The following ADGRL4 variants were observed in gnomAD, a reference collection of about 807,000 sequenced individuals.
ADGRL4 encodes EGF, latrophilin and seven transmembrane domain containing 1.
ADGRL4 carries 90 observed loss-of-function variants against 74.8 expected under a neutral mutation model. That is an observed-to-expected ratio of 1.20 (90% CI 1.02 to 1.43). The LOEUF (loss-of-function observed/expected upper bound fraction) is 1.43, where lower values mean the gene tolerates loss of function less well. Ranked by LOEUF, ADGRL4 falls within the 40% of genes most tolerant of loss-of-function variation. The pLI is 0.00. For synonymous variants in ADGRL4, 311 were observed against 279.2 expected, an observed-to-expected ratio of 1.11 and a Z score of -1.14; for missense variants, 881 against 814.3, an observed-to-expected ratio of 1.08 and a Z score of -1.00.
intron 3 of ADGRL4, 133 bp from the exon 4 acceptor site, chr1:78,939,391 T>C (rs1649428523): frequency 3.0e-6 from 3 of 1,008,102 alleles, no homozygotes; most frequent in Non-Finnish European, 3.8e-6. Flanking sequence ...GAATTTCCTC[T>C]TCAGTTTTAG....
chr1:78,893,167 A>C lies in ADGRL4; in HGVS notation c.1772T>G (p.Val591Gly), dbSNP rs950029431. 8.1e-6 allele frequency: 13 copies of C among 1,603,166 alleles called. No homozygotes were observed. Among genetic ancestry groups the C allele is most frequent in the Middle Eastern group, 3.3e-4 (2 of 6,048 alleles). The change falls in exon 13 of 15, where the codon GTC becomes GGC. Residue 591 changes from valine (V) to glycine (G), a missense_variant. By Grantham distance (109) the Val-to-Gly change is moderately radical. Coordinates refer to ENST00000370742, the MANE Select transcript of ADGRL4 (RefSeq NM_022159.4). ...GTGACGAAAAACTTTGTATATGATG[A>C]CTCCAAAAGCCAAGAGATTAACCTG... ...IILVNLLAFG[V>G]IIYKVFRHTA...
chr1:78,916,785 G>A (rs1353528157), intron 12 of ADGRL4, among the ~76,000 whole-genome samples: 1 of 151,838 alleles, frequency 6.6e-6, no homozygotes, highest in East Asian at 1.9e-4. Context: ...GAACAAAGTT[G>A]TCCAAAATAT....
At chr1:78,976,603 C>T (rs1314499646) in intron 2 of ADGRL4, among the ~76,000 whole-genome samples, 1 of 151,286 alleles carries the variant, frequency 6.6e-6, no homozygotes, top group East Asian at 1.9e-4. Context: ...ATACATAAGA[C>T]CTTTGATTGT....
intron 2 of ADGRL4, among the ~76,000 whole-genome samples, chr1:78,970,588 T>C (rs565846911): frequency 6.6e-6 from 1 of 152,254 alleles, no homozygotes; most frequent in Admixed American, 6.5e-5. Context: ...CTTCCCTCTC[T>C]CCCTCATGTA....
rs1452531061 is a variant in ADGRL4 at position 78,921,617 on chromosome 1, G to A, written c.1253C>T (p.Ser418Phe). The change falls in exon 9 of 15, where the codon TCC (serine) becomes TTC (phenylalanine). Residue 418 changes from serine (S) to phenylalanine (F), a missense_variant. Ser to Phe is a radical substitution (Grantham distance 155). Coordinates refer to ENST00000370742, the MANE Select transcript of ADGRL4 (RefSeq NM_022159.4). ...HFAILMSSGP[S>F]IGIKDYNILT... is the part of the protein sequence containing the mutation. ...TGAAGGGGAAAATTATCTTACAATG[G>A]AAGGACCAGAGGACATCAAAATTGC... is the stretch of plus-strand genomic sequence containing the variant. 7.0e-7 allele frequency: 1 copy of A among 1,428,924 alleles called. No individual in the cohort carries two copies. The highest frequency in any genetic ancestry group is 9.2e-7 in the Non-Finnish European group (1 of 1,083,370). The allele number at this position is 1,428,924 out of a possible 1,614,324, so 88.5% of individuals were successfully genotyped here.
chr1:78,905,599 A>G (rs2100658530), intron 12 of ADGRL4, among the ~76,000 whole-genome samples: 1 of 152,098 alleles, frequency 6.6e-6, no homozygotes, highest in Non-Finnish European at 1.5e-5. Flanking sequence ...TCCCAATAAA[A>G]CTATTTACAA....
chr1:78,938,033 C>T (rs1649392700), intron 5 of ADGRL4, 43 bp from the exon 6 acceptor site: 1 of 1,604,576 alleles, frequency 6.2e-7, no homozygotes, highest in Non-Finnish European at 8.5e-7. Context: ...TGGAATCCTA[C>T]ACTATTCACA....
intron 2 of ADGRL4, among the ~76,000 whole-genome samples, chr1:78,991,163 T>C (rs1310396213): frequency 6.6e-5 from 10 of 152,220 alleles, no homozygotes; most frequent in Admixed American, 5.2e-4. Flanking sequence ...AGACTTACGA[T>C]GTGTTCTTGT....
intron 2 of ADGRL4, among the ~76,000 whole-genome samples, chr1:79,001,284 T>C (rs2100743194): frequency 6.6e-6 from 1 of 151,024 alleles, no homozygotes. Flanking sequence ...CTGGTCCGGG[T>C]ACTACTCAAC....
intron 2 of ADGRL4, among the ~76,000 whole-genome samples, chr1:78,968,329 C>T (rs1267565075): frequency 6.6e-6 from 1 of 151,946 alleles, no homozygotes; most frequent in Non-Finnish European, 1.5e-5. Context: ...GCATAAGCTG[C>T]AGTAATAGAT....
intron 2 of ADGRL4, among the ~76,000 whole-genome samples, chr1:78,955,065 T>G (rs946394981): frequency 3.3e-5 from 5 of 152,124 alleles, no homozygotes; most frequent in African/African-American, 1.2e-4. Context: ...AGGAAATGTG[T>G]AGATATTTAG....
At chr1:78,994,978 C>A (rs564431379) in intron 2 of ADGRL4, among the ~76,000 whole-genome samples, 1 of 152,304 alleles carries the variant, frequency 6.6e-6, no homozygotes, top group South Asian at 2.1e-4. Flanking sequence ...GGAATTGCAA[C>A]ACAAAGATCA....
chr1:78,981,082 C>T (rs1391214352), intron 2 of ADGRL4, among the ~76,000 whole-genome samples: 1 of 151,818 alleles, frequency 6.6e-6, no homozygotes, highest in Admixed American at 6.6e-5. Context: ...TGTGACACCT[C>T]TCAGAATTTT....
At chr1:78,993,119 A>G (rs535395656) in intron 2 of ADGRL4, among the ~76,000 whole-genome samples, 1 of 152,234 alleles carries the variant, frequency 6.6e-6, no homozygotes, top group African/African-American at 2.4e-5. Context: ...ATTTAAACCA[A>G]GCATTTTTTG....
At chr1:78,918,498 C>T (rs1160014057) in intron 10 of ADGRL4, among the ~76,000 whole-genome samples, 1 of 151,630 alleles carries the variant, frequency 6.6e-6, no homozygotes, top group African/African-American at 2.4e-5. Flanking sequence ...TCTTAGATGA[C>T]AAAAATAAAA....
chr1:78,924,011 A>G (rs962765352), intron 8 of ADGRL4, among the ~76,000 whole-genome samples: 22 of 151,974 alleles, frequency 1.4e-4, no homozygotes, highest in Non-Finnish European at 3.1e-4. Flanking sequence ...GAAGATTCAC[A>G]CCAAAGTACA....
chr1:78,998,146 A>G (rs1650757024), intron 2 of ADGRL4, among the ~76,000 whole-genome samples: 1 of 152,024 alleles, frequency 6.6e-6, no homozygotes, highest in African/African-American at 2.4e-5. Flanking sequence ...TCTTTGCTGC[A>G]GGGTTCTTTA....
rs750792474 is a variant in ADGRL4 at position 78,930,447 on chromosome 1, A to AT, written c.878-3357dup. On this transcript the variant is annotated intron_variant, in intron 7 of 14. Transcript: ENST00000370742. Reference sequence around the variant, plus strand: ...CTAGTTAGGTACCAAGGAAAAGCTGATTTTTTTTTTTTTTTTTTTTTTGTG... The same window carrying AT: ...CTAGTTAGGTACCAAGGAAAAGCTGATTTTTTTTTTTTTTTTTTTTTTTGTG... Among the ~76,000 whole-genome samples the AT allele has an allele frequency of 2.4e-3, 237 of 97,268 alleles. 1 individual carries two copies. The highest frequency in any genetic ancestry group is 6.4e-3 in the African/African-American group (148 of 23,286). 63.8% of individuals were successfully genotyped at this position (97,268 alleles called of 152,430 possible). A position where few individuals can be genotyped will look rare whatever the true frequency, so the allele number is the denominator to read the frequency against.
intron 7 of ADGRL4, among the ~76,000 whole-genome samples, chr1:78,934,804 A>T (rs1649319408): frequency 6.6e-6 from 1 of 152,226 alleles, no homozygotes; most frequent in Non-Finnish European, 1.5e-5. Context: ...ATGAAAAAAA[A>T]GCTCGACATT....
Sources: allele counts gnomAD v4.1 joint callset (sites outside exome capture counted in the v4.1 genomes callset), GRCh38; gene constraint gnomAD v4.1.1; transcripts MANE v1.5; gene names NCBI Gene and HGNC (gene_info 2026-07-23, HGNC 2026-07-21).